The following CHPT1 variants were observed in gnomAD, a reference collection of about 807,000 sequenced individuals.
The protein encoded by CHPT1 is choline phosphotransferase 1.
In CHPT1, 36 loss-of-function variants were observed where a neutral mutation model predicts 47.6. The ratio of observed to expected loss-of-function variants is 0.76; its 90% CI spans 0.58 to 1.00. The LOEUF is 1.00. Ranked by LOEUF, CHPT1 falls within the 50% of genes least tolerant of loss-of-function variation. CHPT1 has a pLI of 0.00. For synonymous variants in CHPT1, 194 were observed against 186.3 expected, an observed-to-expected ratio of 1.04 and a Z score of -0.33; for missense variants, 458 against 498.1, an observed-to-expected ratio of 0.92 and a Z score of 0.77.
At position 101,704,488 on chromosome 12, in the gene CHPT1, G is replaced by A. The variant is rs570769123; in HGVS notation, c.273+6354G>A. On this transcript the variant is annotated intron_variant, in intron 1 of 8. Transcript: ENST00000229266. ...GCAACCTTGGCTCACTGCTACCTCC[G>A]CCTCCTGGGTTCAAGTGATTCTCCT... Among the ~76,000 whole-genome samples, 5 of 149,572 alleles carry A rather than the reference G, an allele frequency of 3.3e-5. No homozygotes were observed. The East Asian group carries it at 5.9e-4, about 18-fold the overall frequency.
intron 7 of CHPT1, among the ~76,000 whole-genome samples, chr12:101,725,309 TA>T (rs922175348): frequency 1.4e-3 from 211 of 147,192 alleles, no homozygotes; most frequent in African/African-American, 3.5e-3. Flanking sequence ...CAGGCAAAAT[TA>T]AAAAAAAAAA....
At chr12:101,722,739 AAAG>A (rs1951874126) in intron 5 of CHPT1, among the ~76,000 whole-genome samples, 1 of 151,728 alleles carries the variant, frequency 6.6e-6, no homozygotes, top group African/African-American at 2.4e-5. Flanking sequence ...AAATAGGAAA[AAAG>A]AAGGAAACCT....
chr12:101,725,844 A>T (rs1006315510), intron 7 of CHPT1, among the ~76,000 whole-genome samples: 1 of 152,136 alleles, frequency 6.6e-6, no homozygotes, highest in African/African-American at 2.4e-5. Flanking sequence ...TTGTAAACAC[A>T]ATTCTGTATA....
intron 8 of CHPT1, chr12:101,726,648 G>A (rs1594148085): frequency 2.0e-6 from 1 of 490,260 alleles, no homozygotes; most frequent in Non-Finnish European, 3.4e-6. Flanking sequence ...TTAGAAACAA[G>A]ACTAAAGAAA....
intron 6 of CHPT1, 33 bp from the exon 7 acceptor site, chr12:101,723,689 A>G (rs1471119390): frequency 1.1e-5 from 14 of 1,288,548 alleles, no homozygotes; most frequent in Non-Finnish European, 1.5e-5. Context: ...TTAAAACTTA[A>G]TAGTAAAATT....
chr12:101,726,358 T>G lies in CHPT1; in HGVS notation c.1130T>G (p.Leu377Arg), dbSNP rs760052592. ...TTGTGCCTGCAAATTTCAAGACACC[T>G]TCATCTAAATATATTCAAGACTGCA... ...SALCLQISRHLHLNIFKTACH... is the reference protein window; with the variant it reads ...SALCLQISRHRHLNIFKTACH... Residue 377 changes from leucine (L) to arginine (R), a missense_variant, in exon 8 of 9, where the codon CTT becomes CGT. Transcript: ENST00000229266. The G allele has an allele frequency of 5.0e-6, 8 of 1,613,276 alleles. No homozygotes were observed. The highest frequency in any genetic ancestry group is 6.8e-6 in the Non-Finnish European group (8 of 1,179,504).
At chr12:101,699,110 G>A (rs1268674780) in intron 1 of CHPT1, among the ~76,000 whole-genome samples, 1 of 152,104 alleles carries the variant, frequency 6.6e-6, no homozygotes, top group African/African-American at 2.4e-5. Context: ...TGAGACAGGG[G>A]TTTACTCTGT....
Position 101,698,028 on chromosome 12 carries a change from G to A in CHPT1, c.167G>A (p.Trp56Ter). Residue 56 changes from tryptophan (W) to a stop codon, truncating the protein, a stop_gained, in exon 1 of 9, where the codon TGG (tryptophan) becomes TAG (stop). Coordinates refer to ENST00000229266, the MANE Select transcript of CHPT1 (RefSeq NM_020244.3). LOFTEE classifies it high-confidence loss of function. Reference protein sequence around the residue: ...LQLYWTWLLQWIPLWMAPNSI... With the variant: ...LQLYWTWLLQ ...CTCTACTGGACCTGGCTGCTCCAGT[G>A]GATCCCGCTCTGGATGGCCCCCAAC... 1.3e-6 allele frequency: 2 copies of A among 1,580,900 alleles called. No homozygotes were observed. The highest frequency in any genetic ancestry group is 1.7e-6 in the Non-Finnish European group (2 of 1,172,264).
At chr12:101,726,212 T>G in intron 7 of CHPT1, 82 bp from the exon 8 acceptor site, 1 of 894,746 alleles carries the variant, frequency 1.1e-6, no homozygotes, top group South Asian at 1.6e-5. Flanking sequence ...TAAGGTTTGA[T>G]ATTTGGGGGA....
chr12:101,702,924 C>A (rs11110969), intron 1 of CHPT1, among the ~76,000 whole-genome samples: 15,178 of 152,096 alleles, frequency 0.1, 887 homozygotes, highest in Middle Eastern at 0.2. Context: ...ACTTCTGCAG[C>A]CATGGTGCCT....
chr12:101,713,224 C>A lies in CHPT1; in HGVS notation c.274-866C>A, dbSNP rs766793786. Among the ~76,000 whole-genome samples the A allele has an allele frequency of 2.7e-4, 34 of 126,742 alleles. 2 individuals carry two copies. Among genetic ancestry groups the A allele is most frequent in the Non-Finnish European group, 5.8e-4 (31 of 53,800 alleles). The allele number at this position is 126,742 out of a possible 152,430, so 83.1% of individuals were successfully genotyped here. On this transcript the variant is annotated intron_variant, in intron 1 of 8. Transcript: ENST00000229266. ...CCTGGTGGGAACATGAATGTCCCAGCCATGTATGAGCTTTGAGAATTGTCT... is the reference window on the plus strand; with the variant it reads ...CCTGGTGGGAACATGAATGTCCCAGACATGTATGAGCTTTGAGAATTGTCT...
chr12:101,697,833 G>T lies in CHPT1; in HGVS notation c.-29G>T. The stretch of plus-strand genomic sequence containing the variant: ...CCAGCGCCAGGCGCGGGCTGCGCTC[G>T]GTGGCGGCGGCGGGGCCCTCAGGCG... On this transcript the variant is annotated 5_prime_UTR_variant, in exon 1 of 9. Transcript: ENST00000229266. 1 of 939,954 alleles carries T rather than the reference G, an allele frequency of 1.1e-6. No individual in the cohort carries two copies. 58.2% of individuals were successfully genotyped at this position (939,954 alleles called of 1,614,324 possible).
At chr12:101,701,021 G>C (rs1030602194) in intron 1 of CHPT1, among the ~76,000 whole-genome samples, 1 of 152,132 alleles carries the variant, frequency 6.6e-6, no homozygotes, top group Non-Finnish European at 1.5e-5. Context: ...TTAATACTGA[G>C]TGCATGAATA....
chr12:101,706,564 TGTCCAGTGA>T (rs1409353357), intron 1 of CHPT1, among the ~76,000 whole-genome samples: 1 of 152,170 alleles, frequency 6.6e-6, no homozygotes, highest in Non-Finnish European at 1.5e-5. Flanking sequence ...AAGTGAAATT[TGTCCAGTGA>T]GTTCAGTGGA....
intron 1 of CHPT1, among the ~76,000 whole-genome samples, chr12:101,703,091 G>A (rs548648515): frequency 1.3e-5 from 2 of 152,272 alleles, no homozygotes; most frequent in African/African-American, 4.8e-5. Context: ...ATAAAACGTG[G>A]CATCGTGGTA....
intron 1 of CHPT1, among the ~76,000 whole-genome samples, chr12:101,705,973 G>A (rs867388276): frequency 1.1e-4 from 17 of 151,936 alleles, no homozygotes; most frequent in Admixed American, 3.9e-4. Flanking sequence ...TGATCTGCCC[G>A]CCTCAGCCTT....
chr12:101,705,125 T>C (rs1594125166), intron 1 of CHPT1, among the ~76,000 whole-genome samples: 2 of 133,566 alleles, frequency 1.5e-5, no homozygotes, highest in Non-Finnish European at 3.1e-5. Context: ...TGAGATAGGG[T>C]CTCACTTGGC....
intron 1 of CHPT1, among the ~76,000 whole-genome samples, 199 bp downstream of exon 1, chr12:101,698,333 C>T (rs984193032): frequency 6.6e-6 from 1 of 152,196 alleles, no homozygotes; most frequent in African/African-American, 2.4e-5. Flanking sequence ...GTGACCATCC[C>T]AAGCCTCCCC....
intron 1 of CHPT1, among the ~76,000 whole-genome samples, chr12:101,713,368 T>C (rs1010445477): frequency 6.6e-6 from 1 of 152,240 alleles, no homozygotes; most frequent in Non-Finnish European, 1.5e-5. Flanking sequence ...CCACAACTTA[T>C]GCTCCTCTCT....
Sources: gnomAD v4.1 joint callset for allele counts (sites outside exome capture counted in the v4.1 genomes callset) on GRCh38, gnomAD v4.1.1 for gene constraint, MANE v1.5 for transcripts, NCBI Gene and HGNC (gene_info 2026-07-23, HGNC 2026-07-21) for gene names.